PHF20L1: variants seen among roughly 807,000 people sequenced by gnomAD.
PHF20L1 encodes PHD finger protein 20 like 1.
In PHF20L1, 44 loss-of-function variants were observed where a neutral mutation model predicts 125.5. The ratio of observed to expected loss-of-function variants is 0.35; its 90% CI spans 0.28 to 0.45. The LOEUF is 0.45. Ranked by LOEUF, PHF20L1 falls within the 20% of genes least tolerant of loss-of-function variation. The probability of loss-of-function intolerance (pLI) is 1.00; values close to 1 mark genes in which losing one functional copy is unlikely to be tolerated. For synonymous variants in PHF20L1, 380 were observed against 403.1 expected, an observed-to-expected ratio of 0.94 and a Z score of 0.69; for missense variants, 1,012 against 1,217.2, an observed-to-expected ratio of 0.83 and a Z score of 2.51.
rs530789496 is a variant in PHF20L1, at chr8:132,792,399, G to A, written c.84-2011G>A. ...GTATTACAGGATTGATTCTAAGTGG[G>A]TAGGGCAGGCATGTCCACCTCAGGA... On this transcript the variant is annotated intron_variant, in intron 2 of 20. Coordinates refer to ENST00000395386, the MANE Select transcript of PHF20L1 (RefSeq NM_016018.5). Among the ~76,000 whole-genome samples, 31 of 152,220 alleles carry A rather than the reference G, an allele frequency of 2.0e-4. No homozygotes were observed. In the South Asian group the frequency reaches 6.4e-3, roughly 32 times the overall value.
chr8:132,823,481 T>G (rs1156523269), intron 12 of PHF20L1, among the ~76,000 whole-genome samples: 1 of 152,016 alleles, frequency 6.6e-6, no homozygotes, highest in Non-Finnish European at 1.5e-5. Flanking sequence ...AGAGTAGACC[T>G]TTACTGATGG....
rs186032049 is a variant in PHF20L1 at position 132,813,720 on chromosome 8, G to A, written c.931-917G>A. On this transcript the variant is annotated intron_variant, in intron 9 of 20. Transcript: ENST00000395386. Reference sequence around the variant, plus strand: ...TATATCAGAAAGAGATAGAAGTATTGCAGAACCATAGATTGCAAATTCATC... The same window carrying A: ...TATATCAGAAAGAGATAGAAGTATTACAGAACCATAGATTGCAAATTCATC... 4.1e-3 allele frequency among the ~76,000 whole-genome samples: 624 copies of A among 151,988 alleles called. 4 individuals are homozygous for A. Among genetic ancestry groups the A allele is most frequent in the African/African-American group, 0.014 (591 of 41,538 alleles).
chr8:132,818,110 A>G (rs1459735837), intron 12 of PHF20L1: 2 of 152,016 alleles, frequency 1.3e-5, no homozygotes, highest in African/African-American at 4.8e-5. Context: ...GTAGTTCGAA[A>G]GCATTTGGAT....
chr8:132,786,899 G>A (rs911653565), intron 2 of PHF20L1, among the ~76,000 whole-genome samples: 9 of 152,090 alleles, frequency 5.9e-5, no homozygotes, highest in African/African-American at 2.2e-4. Context: ...AGGAATTGAT[G>A]TAAATTCATC....
intron 14 of PHF20L1, 69 bp from the exon 15 acceptor site, chr8:132,832,166 C>G (rs991076626): frequency 1.0e-6 from 1 of 997,196 alleles, no homozygotes; most frequent in South Asian, 1.5e-5. Flanking sequence ...ACATGACTTT[C>G]GTTATTTTTA....
intron 2 of PHF20L1, chr8:132,788,709 C>G (rs982072789): frequency 7.9e-5 from 12 of 151,788 alleles, no homozygotes; most frequent in Admixed American, 5.3e-4. Context: ...ATTAATGTTC[C>G]TATGTTGAAT....
At chr8:132,823,886 G>T in intron 12 of PHF20L1, 118 bp from the exon 13 acceptor site, 1 of 575,472 alleles carries the variant, frequency 1.7e-6, no homozygotes. Context: ...AAAACATGTA[G>T]ACCGTTAGGA....
At chr8:132,807,026 T>G (rs1833792885) in intron 8 of PHF20L1, 2 of 151,994 alleles carry the variant, frequency 1.3e-5, no homozygotes, top group African/African-American at 4.8e-5. Context: ...AAGGATGGCG[T>G]TTTTCAGAGG....
intron 13 of PHF20L1, chr8:132,824,916 A>C: frequency 1.6e-6 from 1 of 640,456 alleles, no homozygotes; most frequent in Non-Finnish European, 2.2e-6. Flanking sequence ...TACATATGGA[A>C]ATGCTGAGTC....
chr8:132,792,917 T>G (rs868742742), intron 2 of PHF20L1, among the ~76,000 whole-genome samples: 2 of 152,172 alleles, frequency 1.3e-5, no homozygotes, highest in Non-Finnish European at 2.9e-5. Context: ...AGCCTAACTT[T>G]TTTTAATCCA....
At chr8:132,802,263 C>G (rs568718575) in intron 6 of PHF20L1, among the ~76,000 whole-genome samples, 3 of 151,258 alleles carry the variant, frequency 2.0e-5, no homozygotes, top group Admixed American at 1.3e-4. Context: ...TTTCATCGCT[C>G]TTTCACTTTT....
chr8:132,840,925 C>T (rs1346472880), intron 18 of PHF20L1, among the ~76,000 whole-genome samples: 1 of 152,064 alleles, frequency 6.6e-6, no homozygotes, highest in East Asian at 1.9e-4. Flanking sequence ...GGTAAGTACT[C>T]AGTAACTATT....
chr8:132,831,896 T>C (rs2131842904), intron 14 of PHF20L1, among the ~76,000 whole-genome samples: 2 of 152,214 alleles, frequency 1.3e-5, no homozygotes, highest in South Asian at 4.1e-4. Context: ...GTCCATGTGT[T>C]GTCATCTTGC....
intron 14 of PHF20L1, among the ~76,000 whole-genome samples, chr8:132,825,812 G>A (rs1475066829): frequency 6.6e-6 from 1 of 152,182 alleles, no homozygotes; most frequent in Admixed American, 6.5e-5. Context: ...TCAGAGGGAT[G>A]CAGCCCCAAG....
In PHF20L1 at chr8:132,817,322, C is replaced by A; in HGVS notation, c.1373-17C>A. 6.3e-7 allele frequency: 1 copy of A among 1,595,710 alleles called. No homozygotes were observed. The highest frequency in any genetic ancestry group is 8.6e-7 in the Non-Finnish European group (1 of 1,164,374). ...TTATCTGTGTTAATATTACATTACA[C>A]TCTTTATTTTGTGTAGTGCCTGATG... is the stretch of plus-strand genomic sequence containing the variant. On this transcript the variant is annotated splice_polypyrimidine_tract_variant and intron_variant, in intron 11 of 20. Transcript: ENST00000395386.
intron 6 of PHF20L1, chr8:132,803,560 C>T (rs1833340086): frequency 7.9e-6 from 3 of 378,722 alleles, no homozygotes; most frequent in Admixed American, 8.8e-5. Context: ...GATTTTATTC[C>T]TGTGAAAATA....
At chr8:132,793,956 T>C (rs1832089424) in intron 2 of PHF20L1, among the ~76,000 whole-genome samples, 1 of 152,218 alleles carries the variant, frequency 6.6e-6, no homozygotes, top group Admixed American at 6.5e-5. Context: ...AACACCACAT[T>C]CAGTGACTAC....
intron 6 of PHF20L1, among the ~76,000 whole-genome samples, chr8:132,802,677 C>T (rs189664557): frequency 2.6e-5 from 4 of 151,812 alleles, no homozygotes; most frequent in Admixed American, 6.6e-5. Context: ...CAGTTAGTTG[C>T]AATTATGAGA....
chr8:132,775,397 C>G lies in PHF20L1; in HGVS notation c.-286C>G. On this transcript the variant is annotated 5_prime_UTR_variant, in exon 1 of 21. Transcript: ENST00000395386. ...GGCCCGGCGTCGCGTCAGGGCTGGC[C>G]GGCGGCGGAGGCGGCGGCGGCGGCG... The G allele has an allele frequency of 5.3e-6, 2 of 380,296 alleles. No individual in the cohort carries two copies. Among genetic ancestry groups the G allele is most frequent in the South Asian group, 1.3e-4 (1 of 7,832 alleles). 23.6% of individuals were successfully genotyped at this position (380,296 alleles called of 1,614,324 possible). A position where few individuals can be genotyped will look rare whatever the true frequency, so the allele number is the denominator to read the frequency against.
Sources: gnomAD v4.1 joint callset for allele counts (sites outside exome capture counted in the v4.1 genomes callset) on GRCh38, gnomAD v4.1.1 for gene constraint, MANE v1.5 for transcripts, NCBI Gene and HGNC (gene_info 2026-07-23, HGNC 2026-07-21) for gene names.